The following CDK6 variants were observed in gnomAD, a reference collection of about 807,000 sequenced individuals.
CDK6 encodes cyclin-dependent kinase 6.
A neutral mutation model predicts 37.1 loss-of-function variants in CDK6; 6 were observed. The ratio of observed to expected loss-of-function variants is 0.16; its 90% CI spans 0.09 to 0.32. The LOEUF is 0.32. Among genes scored for constraint, CDK6 ranks in the 10% least tolerant of loss-of-function variants. The probability of loss-of-function intolerance (pLI) is 1.00; values close to 1 mark genes in which losing one functional copy is unlikely to be tolerated. For synonymous variants in CDK6, 160 were observed against 161.3 expected, an observed-to-expected ratio of 0.99 and a Z score of 0.06; for missense variants, 224 against 418.9, an observed-to-expected ratio of 0.53 and a Z score of 4.06.
At chr7:92,681,792 C>T (rs917314414) in intron 4 of CDK6, among the ~76,000 whole-genome samples, 4 of 152,164 alleles carry the variant, frequency 2.6e-5, no homozygotes, top group African/African-American at 9.7e-5. Flanking sequence ...ACTTTTCTTA[C>T]ATGAAGCACA....
intron 3 of CDK6, among the ~76,000 whole-genome samples, chr7:92,761,575 C>T (rs1180283475): frequency 6.6e-6 from 1 of 152,160 alleles, no homozygotes; most frequent in Non-Finnish European, 1.5e-5. Flanking sequence ...GGCAGCTGCT[C>T]TCCAACTTAC....
chr7:92,792,610 C>A (rs1800312422), intron 2 of CDK6, among the ~76,000 whole-genome samples: 1 of 151,898 alleles, frequency 6.6e-6, no homozygotes, highest in Non-Finnish European at 1.5e-5. Context: ...GATCTGGTAA[C>A]CTACCAGAAT....
At chr7:92,616,035 C>G (rs3731385) in intron 7 of CDK6, among the ~76,000 whole-genome samples, 1 of 152,170 alleles carries the variant, frequency 6.6e-6, no homozygotes, top group Admixed American at 6.5e-5. Flanking sequence ...ATCAACGCCT[C>G]CTGCTGGGTG....
Position 92,740,302 on chromosome 7 carries a change from T to C in CDK6, c.370-14509A>G, listed in dbSNP as rs182392607. 1.9e-4 allele frequency among the ~76,000 whole-genome samples: 29 copies of C among 152,324 alleles called. No individual in the cohort carries two copies. The East Asian group carries it at 5.6e-3, about 29-fold the overall frequency. ...TCCTGGAATGCTTGCTCCATTGTCC[T>C]ATCCCCCGATATACACACATCTTCC... On this transcript the variant is annotated intron_variant, in intron 3 of 7. Transcript: ENST00000424848.
chr7:92,609,971 A>G lies in CDK6; in HGVS notation c.*5169T>C, dbSNP rs1432998093. On this transcript the variant is annotated 3_prime_UTR_variant, in exon 8 of 8. Transcript: ENST00000424848. ...CAGAACATTATAGAGACTATTAATCATCCCAAAAAACAAGTGCTAGGAAAG... is the reference window on the plus strand; with the variant it reads ...CAGAACATTATAGAGACTATTAATCGTCCCAAAAAACAAGTGCTAGGAAAG... The G allele has an allele frequency of 4.3e-6, 1 of 229,976 alleles. No individual in the cohort carries two copies. Among genetic ancestry groups the G allele is most frequent in the Non-Finnish European group, 8.6e-6 (1 of 116,148 alleles). The allele number at this position is 229,976 out of a possible 1,614,324, so 14.2% of individuals were successfully genotyped here. A position where few individuals can be genotyped will look rare whatever the true frequency, so the allele number is the denominator to read the frequency against.
chr7:92,611,448 C>T lies in CDK6; in HGVS notation c.*3692G>A. On this transcript the variant is annotated 3_prime_UTR_variant, in exon 8 of 8. Transcript: ENST00000424848. ...CTTATCATAAGAATAGTCAAATTGT[C>T]ACTTAAAAGAAAAGCAATATTTTAG... is the stretch of plus-strand genomic sequence containing the variant. The T allele has an allele frequency of 8.8e-6, 2 of 226,960 alleles. No individual in the cohort carries two copies. The highest frequency in any genetic ancestry group is 1.8e-5 in the Non-Finnish European group (2 of 114,248). 14.1% of individuals were successfully genotyped at this position (226,960 alleles called of 1,614,324 possible).
intron 5 of CDK6, among the ~76,000 whole-genome samples, chr7:92,658,979 A>G (rs1403519447): frequency 6.6e-6 from 1 of 152,188 alleles, no homozygotes; most frequent in Admixed American, 6.5e-5. Context: ...AAGCACCATT[A>G]ATTCAGGAGA....
Position 92,609,340 on chromosome 7 carries a change from A to G in CDK6, c.*5800T>C. On this transcript the variant is annotated 3_prime_UTR_variant, in exon 8 of 8. Coordinates refer to ENST00000424848, the MANE Select transcript of CDK6 (RefSeq NM_001145306.2). ...ATAAGAAGTCTTTAAGTAGACTTGTAAATTTAAAAAAAGTATATAAAGTTG... is the reference window on the plus strand; with the variant it reads ...ATAAGAAGTCTTTAAGTAGACTTGTGAATTTAAAAAAAGTATATAAAGTTG... The G allele has an allele frequency of 4.3e-6, 1 of 232,190 alleles. No homozygotes were observed. The allele number at this position is 232,190 out of a possible 1,614,324, so 14.4% of individuals were successfully genotyped here.
Position 92,612,805 on chromosome 7 carries a change from C to G in CDK6, c.*2335G>C. 1 of 233,074 alleles carries G rather than the reference C, an allele frequency of 4.3e-6. No individual in the cohort carries two copies. Among genetic ancestry groups the G allele is most frequent in the African/African-American group, 2.2e-5 (1 of 45,460 alleles). 14.4% of individuals were successfully genotyped at this position (233,074 alleles called of 1,614,324 possible). Reference sequence around the variant, plus strand: ...ACTTATGAAAACACTTTTACAACAGCAAAAACTAAAGCTATGTTCACTCTA... The same window carrying G: ...ACTTATGAAAACACTTTTACAACAGGAAAAACTAAAGCTATGTTCACTCTA... On this transcript the variant is annotated 3_prime_UTR_variant, in exon 8 of 8. Coordinates refer to ENST00000424848, the MANE Select transcript of CDK6 (RefSeq NM_001145306.2).
chr7:92,812,769 G>A (rs887444923), intron 2 of CDK6, among the ~76,000 whole-genome samples: 2 of 152,090 alleles, frequency 1.3e-5, no homozygotes, highest in African/African-American at 2.4e-5. Flanking sequence ...CCTTTCACAA[G>A]GATATCATAT....
intron 4 of CDK6, among the ~76,000 whole-genome samples, chr7:92,718,023 T>C (rs1399462183): frequency 6.6e-6 from 1 of 152,108 alleles, no homozygotes; most frequent in Non-Finnish European, 1.5e-5. Flanking sequence ...TTGTTTTGGC[T>C]CTGGCATTTT....
intron 4 of CDK6, among the ~76,000 whole-genome samples, chr7:92,708,168 C>T (rs1798008483): frequency 6.6e-6 from 1 of 152,132 alleles, no homozygotes; most frequent in African/African-American, 2.4e-5. Flanking sequence ...GATTATCTGA[C>T]TTTTGAAATT....
intron 3 of CDK6, among the ~76,000 whole-genome samples, chr7:92,728,792 C>G (rs980642806): frequency 6.6e-6 from 1 of 151,770 alleles, no homozygotes; most frequent in East Asian, 1.9e-4. Context: ...AATGGCTTTT[C>G]TTTTAAATCT....
intron 2 of CDK6, among the ~76,000 whole-genome samples, chr7:92,798,258 G>A (rs967588604): frequency 2.0e-5 from 3 of 152,050 alleles, no homozygotes; most frequent in African/African-American, 7.2e-5. Flanking sequence ...TCTTCTTCTA[G>A]GCAAATGGCA....
At chr7:92,732,187 G>GT (rs1469560721) in intron 3 of CDK6, among the ~76,000 whole-genome samples, 1 of 152,212 alleles carries the variant, frequency 6.6e-6, no homozygotes, top group African/African-American at 2.4e-5. Context: ...GGTGGCTGAG[G>GT]TGGGAGGATC....
chr7:92,612,172 G>C lies in CDK6; in HGVS notation c.*2968C>G. 4.3e-6 allele frequency: 1 copy of C among 232,890 alleles called. No homozygotes were observed. Among genetic ancestry groups the C allele is most frequent in the Admixed American group, 5.6e-5 (1 of 17,786 alleles). The allele number at this position is 232,890 out of a possible 1,614,324, so 14.4% of individuals were successfully genotyped here. A position where few individuals can be genotyped will look rare whatever the true frequency, so the allele number is the denominator to read the frequency against. On this transcript the variant is annotated 3_prime_UTR_variant, in exon 8 of 8. Coordinates refer to ENST00000424848, the MANE Select transcript of CDK6 (RefSeq NM_001145306.2). ...CAACAGTTCCCAAAATGCCTGAGCC[G>C]CCAGAACCAAACATCAAACAGAAAC... is the stretch of plus-strand genomic sequence containing the variant.
chr7:92,679,598 A>G (rs1797285458), intron 4 of CDK6, among the ~76,000 whole-genome samples: 2 of 152,258 alleles, frequency 1.3e-5, no homozygotes, highest in South Asian at 4.1e-4. Context: ...GTTTATTTGC[A>G]TCAGAGCAAT....
intron 4 of CDK6, chr7:92,710,712 G>A: frequency 2.0e-6 from 2 of 985,426 alleles, no homozygotes; most frequent in Non-Finnish European, 2.4e-6. Flanking sequence ...TAGGAAAGGA[G>A]AAGCTGATGA....
In CDK6 at chr7:92,610,007, G is replaced by C. The variant is rs1005234892; in HGVS notation, c.*5133C>G. 8.7e-6 allele frequency: 2 copies of C among 229,536 alleles called. No homozygotes were observed. The highest frequency in any genetic ancestry group is 1.1e-4 in the Admixed American group (2 of 17,672). 14.2% of individuals were successfully genotyped at this position (229,536 alleles called of 1,614,324 possible). ...CAAGTGCTAGGAAAGAGTTAAATAT[G>C]CGCAGAAAAATAAAGTTAGAATGAA... On this transcript the variant is annotated 3_prime_UTR_variant, in exon 8 of 8. Coordinates refer to ENST00000424848, the MANE Select transcript of CDK6 (RefSeq NM_001145306.2).
Sources: allele counts gnomAD v4.1 joint callset (sites outside exome capture counted in the v4.1 genomes callset), GRCh38; gene constraint gnomAD v4.1.1; transcripts MANE v1.5; gene names NCBI Gene and HGNC (gene_info 2026-07-23, HGNC 2026-07-21).